Variants in MARCHF6 observed in about 807,000 individuals in gnomAD.
MARCHF6 encodes the protein E3 ubiquitin-protein ligase MARCHF6.
A neutral mutation model predicts 133.7 loss-of-function variants in MARCHF6; 31 were observed. The ratio of observed to expected loss-of-function variants is 0.23; its 90% CI spans 0.17 to 0.31. MARCHF6 has a LOEUF of 0.31. MARCHF6 is among the 10% of genes least tolerant of loss of function. The probability of loss-of-function intolerance (pLI) is 1.00; values close to 1 mark genes in which losing one functional copy is unlikely to be tolerated. For synonymous variants in MARCHF6, 395 were observed against 402.5 expected, an observed-to-expected ratio of 0.98 and a Z score of 0.22; for missense variants, 723 against 1,121.6, an observed-to-expected ratio of 0.64 and a Z score of 5.08.
At chr5:10,385,115 A>C (rs1264094138) in intron 4 of MARCHF6, among the ~76,000 whole-genome samples, 3 of 152,222 alleles carry the variant, frequency 2.0e-5, no homozygotes, top group Admixed American at 6.5e-5. Context: ...CATGTGTGTG[A>C]AATTTTAAAA....
At chr5:10,429,301 C>A (rs1740249640) in intron 24 of MARCHF6, among the ~76,000 whole-genome samples, 1 of 151,864 alleles carries the variant, frequency 6.6e-6, no homozygotes, top group African/African-American at 2.4e-5. Context: ...TATATAAGCA[C>A]AGTTTTGGTT....
At chr5:10,354,334 C>A (rs990065422) in intron 1 of MARCHF6, among the ~76,000 whole-genome samples, 1 of 152,196 alleles carries the variant, frequency 6.6e-6, no homozygotes, top group East Asian at 1.9e-4. Context: ...AGGCCCTACC[C>A]CCTCGCGACA....
At chr5:10,401,123 A>C in intron 11 of MARCHF6, 2 of 349,314 alleles carry the variant, frequency 5.7e-6, no homozygotes, top group East Asian at 5.1e-5. Context: ...TGTCCATCTC[A>C]AGAACCTGTA....
intron 17 of MARCHF6, 47 bp downstream of exon 17, chr5:10,407,249 G>C (rs1223385957): frequency 1.1e-6 from 1 of 951,800 alleles, no homozygotes; most frequent in South Asian, 1.6e-5. Flanking sequence ...ATCTCTATTA[G>C]GGATTTGATG....
In MARCHF6 at chr5:10,374,206, T is replaced by C. The variant is rs553146758; in HGVS notation, c.20-3592T>C. On this transcript the variant is annotated intron_variant, in intron 1 of 25. Coordinates refer to ENST00000274140, the MANE Select transcript of MARCHF6 (RefSeq NM_005885.4). ...ACAATATAGAACTCTTTCAAGGCCC[T>C]GTAGTTGGAAAGAGTCCAGTTTAAA... Among the ~76,000 whole-genome samples the C allele has an allele frequency of 4.6e-5, 7 of 152,294 alleles. No homozygotes were observed. In the South Asian group the frequency reaches 1.5e-3, roughly 32 times the overall value.
At chr5:10,423,698 A>C (rs556411101) in intron 22 of MARCHF6, 37 bp from the exon 23 acceptor site, 1 of 1,423,296 alleles carries the variant, frequency 7.0e-7, no homozygotes, top group East Asian at 2.3e-5. Flanking sequence ...TTGTTAAAAA[A>C]CAACAGAAAT....
chr5:10,431,219 T>G (rs1266190441), intron 25 of MARCHF6, among the ~76,000 whole-genome samples: 1 of 152,234 alleles, frequency 6.6e-6, no homozygotes, highest in African/African-American at 2.4e-5. Flanking sequence ...TACAAAGGAC[T>G]GTCAACTGAA....
At chr5:10,407,960 C>A (rs926799523) in intron 17 of MARCHF6, among the ~76,000 whole-genome samples, 1 of 141,620 alleles carries the variant, frequency 7.1e-6, no homozygotes, top group East Asian at 2.3e-4. Flanking sequence ...GCATCCCCCC[C>A]CCCCCAAAAA....
intron 5 of MARCHF6, among the ~76,000 whole-genome samples, chr5:10,387,676 T>C (rs1457465078): frequency 1.3e-5 from 2 of 152,188 alleles, no homozygotes; most frequent in African/African-American, 4.8e-5. Flanking sequence ...AAAGTTTTTT[T>C]GTTTTGTTTT....
chr5:10,402,341 T>A (rs757726607), intron 12 of MARCHF6, 43 bp from the exon 13 acceptor site: 3 of 1,532,138 alleles, frequency 2.0e-6, no homozygotes, highest in Non-Finnish European at 2.7e-6. Context: ...CCTGTTTCAT[T>A]GTACCTTTAA....
At chr5:10,363,226 G>A (rs1735930874) in intron 1 of MARCHF6, among the ~76,000 whole-genome samples, 1 of 152,140 alleles carries the variant, frequency 6.6e-6, no homozygotes, top group Non-Finnish European at 1.5e-5. Context: ...TTCAAAATTA[G>A]AAAGACACTT....
intron 9 of MARCHF6, among the ~76,000 whole-genome samples, chr5:10,396,457 G>A (rs887107220): frequency 1.3e-5 from 2 of 152,210 alleles, no homozygotes; most frequent in Non-Finnish European, 2.9e-5. Context: ...AGCCCACATG[G>A]TGAGAAGAAA....
intron 2 of MARCHF6, among the ~76,000 whole-genome samples, chr5:10,378,136 G>A (rs1040471690): frequency 6.6e-6 from 1 of 152,132 alleles, no homozygotes; most frequent in Non-Finnish European, 1.5e-5. Flanking sequence ...CCAGGTACAC[G>A]TAATTACCCA....
intron 7 of MARCHF6, 118 bp downstream of exon 7, chr5:10,391,849 AT>A: frequency 2.7e-6 from 3 of 1,096,162 alleles, no homozygotes; most frequent in Non-Finnish European, 3.6e-6. Flanking sequence ...TTTCTAACTT[AT>A]TTTTACTTTA....
chr5:10,423,811 C>T lies in MARCHF6; in HGVS notation c.2360C>T (p.Thr787Ile). 6.2e-7 allele frequency: 1 copy of T among 1,612,402 alleles called. No homozygotes were observed. Among genetic ancestry groups the T allele is most frequent in the Non-Finnish European group, 8.5e-7 (1 of 1,178,982 alleles). ...TLMGPQWWLK[T>I]VIEQVYANGI... ...ATGGGTCCTCAGTGGTGGTTGAAAA[C>T]TGTAATTGAACAGGTAAGCAAAATC... Residue 787 changes from threonine to isoleucine, a missense_variant, in exon 23 of 26, where the codon ACT (threonine) becomes ATT (isoleucine). Thr to Ile is a moderately conservative substitution (Grantham distance 89, BLOSUM62 -1). Around this residue, in one of 4 missense-constraint regions of MARCHF6, gnomAD observed 492 missense variants for 699.5 expected, o/e 0.70. Transcript: ENST00000274140.
At chr5:10,391,443 T>TG in intron 6 of MARCHF6, 99 bp from the exon 7 acceptor site, 1 of 476,768 alleles carries the variant, frequency 2.1e-6, no homozygotes, top group Non-Finnish European at 3.3e-6. Flanking sequence ...TAGGTTTTTT[T>TG]TTTTTTTTTT....
At chr5:10,404,398 C>A (rs2126770061) in intron 15 of MARCHF6, among the ~76,000 whole-genome samples, 1 of 152,150 alleles carries the variant, frequency 6.6e-6, no homozygotes. Context: ...TGTTTCTAAT[C>A]TGGTTCTTAG....
At chr5:10,410,985 T>TA (rs1473819346) in intron 18 of MARCHF6, among the ~76,000 whole-genome samples, 3 of 152,230 alleles carry the variant, frequency 2.0e-5, no homozygotes, top group Admixed American at 2.0e-4. Context: ...AGTATGTACT[T>TA]ACACCTTGTG....
intron 24 of MARCHF6, 124 bp downstream of exon 24, chr5:10,426,646 G>A: frequency 2.8e-6 from 3 of 1,069,860 alleles, no homozygotes; most frequent in Non-Finnish European, 4.0e-6. Flanking sequence ...ATCCAGCTAA[G>A]ACAATGATTT....
Sources: allele counts gnomAD v4.1 joint callset (sites outside exome capture counted in the v4.1 genomes callset), GRCh38; gene constraint gnomAD v4.1.1; regional missense constraint gnomAD v4.1.1; transcripts MANE v1.5; gene names NCBI Gene and HGNC (gene_info 2026-07-23, HGNC 2026-07-21).